NFYA: variants seen among roughly 807,000 people sequenced by gnomAD.
NFYA encodes the protein CAAT-box DNA binding protein subunit A.
A neutral mutation model predicts 52.8 loss-of-function variants in NFYA; 28 were observed. That is an observed-to-expected ratio of 0.53 (90% CI 0.39 to 0.73). NFYA has a LOEUF of 0.73. Among genes scored for constraint, NFYA ranks in the 30% least tolerant of loss-of-function variants. The pLI, the probability that NFYA is intolerant of heterozygous loss-of-function variation, is 0.00. For synonymous variants in NFYA, 150 were observed against 150.7 expected, an observed-to-expected ratio of 1.00 and a Z score of 0.03; for missense variants, 234 against 427.0, an observed-to-expected ratio of 0.55 and a Z score of 3.98.
chr6:41,100,075 G>C lies in NFYA; in HGVS notation c.*2665G>C, dbSNP rs1218256653. The C allele has an allele frequency of 2.0e-5, 3 of 152,082 alleles. No individual in the cohort carries two copies. Among genetic ancestry groups the C allele is most frequent in the African/African-American group, 7.2e-5 (3 of 41,408 alleles). The allele number at this position is 152,082 out of a possible 1,614,324, so 9.4% of individuals were successfully genotyped here. Reference sequence around the variant, plus strand: ...CCCGACAAGACTTGTCTGCATGGACGGTGTCTCTGTAAACAGTATCAAACT... The same window carrying C: ...CCCGACAAGACTTGTCTGCATGGACCGTGTCTCTGTAAACAGTATCAAACT... On this transcript the variant is annotated 3_prime_UTR_variant, in exon 10 of 10. Transcript: ENST00000341376.
rs1379994541 is a variant in NFYA, at chr6:41,101,083, C to G, written c.*3673C>G. ...TGGCCTGTGGAGGCCCGCTTGGCGG[C>G]GCTGCTTCCCGACCTACTGGTCTTT... On this transcript the variant is annotated 3_prime_UTR_variant, in exon 10 of 10. Coordinates refer to ENST00000341376, the MANE Select transcript of NFYA (RefSeq NM_002505.5). 6.6e-6 allele frequency: 1 copy of G among 152,254 alleles called. No homozygotes were observed. Among genetic ancestry groups the G allele is most frequent in the African/African-American group, 2.4e-5 (1 of 41,478 alleles). 9.4% of individuals were successfully genotyped at this position (152,254 alleles called of 1,614,324 possible).
At chr6:41,093,671 A>G (rs923807769) in intron 8 of NFYA, among the ~76,000 whole-genome samples, 10 of 152,148 alleles carry the variant, frequency 6.6e-5, no homozygotes, top group Admixed American at 5.2e-4. Context: ...GGGTTTCACC[A>G]TGTTGGCCAG....
In NFYA at chr6:41,091,675, A is replaced by G. The variant is rs773941672; in HGVS notation, c.695A>G (p.Asn232Ser). The G allele has an allele frequency of 8.7e-6, 14 of 1,613,218 alleles. No individual in the cohort carries two copies. Among genetic ancestry groups the G allele is most frequent in the African/African-American group, 1.3e-5 (1 of 74,910 alleles). Residue 232 changes from asparagine (N) to serine (S), a missense_variant, in exon 7 of 10, where the codon AAT (asparagine) becomes AGT (serine). By Grantham distance (46) the Asn-to-Ser change is conservative. This residue lies in a region of NFYA where 81 missense variants were observed against 210.5 expected (regional missense o/e 0.38). Transcript: ENST00000341376. ...CTACCAGTGGCAGGCAATGTGGTCA[A>G]TTCAGGAGGGATGGTCATGGTAAGA... The part of the protein sequence containing the change: ...VTLPVAGNVV[N>S]SGGMVMMVPG...
At chr6:41,082,722 G>C (rs773508495) in intron 3 of NFYA, among the ~76,000 whole-genome samples, 1 of 152,210 alleles carries the variant, frequency 6.6e-6, no homozygotes, top group Non-Finnish European at 1.5e-5. Flanking sequence ...TATGTATTCT[G>C]AGAAATCTTT....
intron 4 of NFYA, among the ~76,000 whole-genome samples, chr6:41,086,411 A>G (rs1304048204): frequency 6.6e-6 from 1 of 152,188 alleles, no homozygotes; most frequent in Admixed American, 6.5e-5. Context: ...AAGTAGGGCT[A>G]TAACTAACCA....
At position 41,099,461 on chromosome 6, in the gene NFYA, G is replaced by A. The variant is rs1261736801; in HGVS notation, c.*2051G>A. On this transcript the variant is annotated 3_prime_UTR_variant, in exon 10 of 10. Coordinates refer to ENST00000341376, the MANE Select transcript of NFYA (RefSeq NM_002505.5). ...TTTTTATTTGGGGGGAGATGACTTT[G>A]AATTTTGTTTGAAATGCTTCAGTTG... 6.6e-6 allele frequency: 1 copy of A among 152,184 alleles called. No individual in the cohort carries two copies. Among genetic ancestry groups the A allele is most frequent in the Non-Finnish European group, 1.5e-5 (1 of 68,014 alleles). 9.4% of individuals were successfully genotyped at this position (152,184 alleles called of 1,614,324 possible).
Position 41,101,352 on chromosome 6 carries a change from G to T in NFYA, c.*3942G>T, listed in dbSNP as rs1027104615. On this transcript the variant is annotated 3_prime_UTR_variant, in exon 10 of 10. Transcript: ENST00000341376. ...GGAAACTTTGAGTATCTTCGTTTTA[G>T]CGTGGGAGGACATCTTTTGGGATGA... Among the ~76,000 whole-genome samples, 1 of 152,190 alleles carries T rather than the reference G, an allele frequency of 6.6e-6. No homozygotes were observed. Among genetic ancestry groups the T allele is most frequent in the African/African-American group, 2.4e-5 (1 of 41,444 alleles).
At chr6:41,076,268 A>T (rs1490030685) in intron 1 of NFYA, among the ~76,000 whole-genome samples, 1 of 152,176 alleles carries the variant, frequency 6.6e-6, no homozygotes, top group East Asian at 1.9e-4. Flanking sequence ...AATAGAAAAT[A>T]CCAAAGTGCA....
intron 9 of NFYA, among the ~76,000 whole-genome samples, chr6:41,094,939 G>T (rs1764306997): frequency 6.6e-6 from 1 of 152,078 alleles, no homozygotes; most frequent in Non-Finnish European, 1.5e-5. Flanking sequence ...TATTGAACAG[G>T]TTTTATTACC....
intron 8 of NFYA, among the ~76,000 whole-genome samples, chr6:41,093,466 CCTTT>C (rs1000247557): frequency 6.6e-5 from 10 of 151,842 alleles, no homozygotes; most frequent in Middle Eastern, 3.4e-3. Flanking sequence ...AGAAAGGTAC[CCTTT>C]CTTTTTTTTT....
At chr6:41,094,564 G>A in intron 9 of NFYA, 67 bp downstream of exon 9, 1 of 1,216,098 alleles carries the variant, frequency 8.2e-7, no homozygotes, top group Non-Finnish European at 1.2e-6. Flanking sequence ...GAAGCCTTCA[G>A]CAGTGTCCTC....
intron 9 of NFYA, among the ~76,000 whole-genome samples, chr6:41,096,112 C>T (rs557753540): frequency 2.6e-4 from 40 of 152,270 alleles, no homozygotes; most frequent in Middle Eastern, 3.4e-3. Flanking sequence ...TGCCAGTCCC[C>T]AGGTCAAGGA....
chr6:41,091,062 C>T (rs1394029384), intron 6 of NFYA, among the ~76,000 whole-genome samples: 1 of 152,200 alleles, frequency 6.6e-6, no homozygotes, highest in African/African-American at 2.4e-5. Flanking sequence ...GTGAACAAAT[C>T]CTCAAGTGCT....
chr6:41,085,048 G>A (rs946107933), intron 4 of NFYA, among the ~76,000 whole-genome samples: 2 of 151,932 alleles, frequency 1.3e-5, no homozygotes, highest in African/African-American at 2.4e-5. Flanking sequence ...ATTTCTCATC[G>A]AGATGGCAAA....
At position 41,091,577 on chromosome 6, in the gene NFYA, A is replaced by C; in HGVS notation, c.597A>C (p.Ala199=). Residue 199 remains alanine (A), a synonymous_variant, in exon 7 of 10, where the codon GCA becomes GCC. Coordinates refer to ENST00000341376, the MANE Select transcript of NFYA (RefSeq NM_002505.5). ...TCACTATCCCAGCAGCCAGTTTGGC[A>C]GGAGCACAGATTGTTCAAACAGGAG... The part of the protein sequence containing the change: ...GMITIPAASL[A]GAQIVQTGAN... 6.2e-7 allele frequency: 1 copy of C among 1,614,214 alleles called. No individual in the cohort carries two copies. Among genetic ancestry groups the C allele is most frequent in the Non-Finnish European group, 8.5e-7 (1 of 1,180,034 alleles).
intron 8 of NFYA, among the ~76,000 whole-genome samples, chr6:41,093,767 G>A (rs1202872060): frequency 7.2e-5 from 11 of 152,286 alleles, no homozygotes; most frequent in South Asian, 2.1e-4. Context: ...CACCATACCC[G>A]GCCAGGTACC....
At chr6:41,097,074 G>A (rs1764378146) in intron 9 of NFYA, among the ~76,000 whole-genome samples, 2 of 152,154 alleles carry the variant, frequency 1.3e-5, no homozygotes, top group Non-Finnish European at 2.9e-5. Context: ...TAAGTATAGA[G>A]AACAACACAA....
rs772456505 is a variant in NFYA, at chr6:41,080,843, G to A, written c.108G>A (p.Gln36=). The A allele has an allele frequency of 6.2e-7, 1 of 1,614,030 alleles. No individual in the cohort carries two copies. Among genetic ancestry groups the A allele is most frequent in the Admixed American group, 1.7e-5 (1 of 60,030 alleles). The part of the protein sequence containing the change: ...QQGGVTAVQL[Q]TEAQVASASG... Reference sequence around the variant, plus strand: ...GTGGTGTCACTGCTGTGCAGTTGCAGACTGAGGCCCAGGTGGCATCCGCCT... The same window carrying A: ...GTGGTGTCACTGCTGTGCAGTTGCAAACTGAGGCCCAGGTGGCATCCGCCT... Residue 36 remains glutamine, a synonymous_variant, in exon 3 of 10, where the codon CAG becomes CAA. Coordinates refer to ENST00000341376, the MANE Select transcript of NFYA (RefSeq NM_002505.5).
chr6:41,094,300 G>A (rs1049983627), intron 8 of NFYA, 96 bp from the exon 9 acceptor site: 1 of 1,016,674 alleles, frequency 9.8e-7, no homozygotes, highest in Non-Finnish European at 1.5e-6. Context: ...TTTGATCCCA[G>A]CTGTCTTAAA....
Sources: allele counts gnomAD v4.1 joint callset (sites outside exome capture counted in the v4.1 genomes callset), GRCh38; gene constraint gnomAD v4.1.1; regional missense constraint gnomAD v4.1.1; transcripts MANE v1.5; gene names NCBI Gene and HGNC (gene_info 2026-07-23, HGNC 2026-07-21).